The following SIK2 variants were observed in gnomAD, a reference collection of about 807,000 sequenced individuals.
SIK2 encodes the protein salt inducible kinase 2.
In SIK2, 29 loss-of-function variants were observed where a neutral mutation model predicts 103.2. The ratio of observed to expected loss-of-function variants is 0.28; its 90% CI spans 0.21 to 0.38. The LOEUF (loss-of-function observed/expected upper bound fraction) is 0.38, where lower values mean the gene tolerates loss of function less well. SIK2 is among the 10% of genes least tolerant of loss of function. The probability of loss-of-function intolerance (pLI) is 1.00; values close to 1 mark genes in which losing one functional copy is unlikely to be tolerated. For synonymous variants in SIK2, 412 were observed against 446.1 expected, an observed-to-expected ratio of 0.92 and a Z score of 0.96; for missense variants, 879 against 1,171.0, an observed-to-expected ratio of 0.75 and a Z score of 3.64.
intron 4 of SIK2, among the ~76,000 whole-genome samples, chr11:111,694,035 A>G (rs906072947): frequency 3.9e-5 from 6 of 152,194 alleles, no homozygotes; most frequent in Non-Finnish European, 7.3e-5. Context: ...ACTTGAGTTG[A>G]TATTTGTAGG....
At chr11:111,633,635 T>G (rs1942067624) in intron 3 of SIK2, among the ~76,000 whole-genome samples, 1 of 152,198 alleles carries the variant, frequency 6.6e-6, no homozygotes, top group Admixed American at 6.6e-5. Flanking sequence ...CTGAGCAGTT[T>G]TTGAGTGCTT....
intron 7 of SIK2, among the ~76,000 whole-genome samples, chr11:111,703,994 T>C (rs1943277539): frequency 6.6e-6 from 1 of 152,214 alleles, no homozygotes; most frequent in Admixed American, 6.5e-5. Flanking sequence ...GATATACGTA[T>C]TTCTAATACC....
At chr11:111,663,771 A>G (rs1331473429) in intron 3 of SIK2, among the ~76,000 whole-genome samples, 1 of 152,198 alleles carries the variant, frequency 6.6e-6, no homozygotes. Context: ...TTTTCAAGGT[A>G]GGAGTTGACA....
At chr11:111,667,793 A>G (rs1473029858) in intron 3 of SIK2, among the ~76,000 whole-genome samples, 1 of 152,148 alleles carries the variant, frequency 6.6e-6, no homozygotes, top group Non-Finnish European at 1.5e-5. Flanking sequence ...ACACCAGGCC[A>G]CTGCAACACA....
chr11:111,627,929 T>A (rs181024551), intron 3 of SIK2, among the ~76,000 whole-genome samples: 19 of 152,344 alleles, frequency 1.2e-4, no homozygotes, highest in Admixed American at 1.2e-3. Context: ...AATTAGCGAA[T>A]CCTTCATGTT....
chr11:111,720,994 C>T lies in SIK2; in HGVS notation c.1876C>T (p.Pro626Ser). ...GCAGTTGTTGTATGAACAAATAGGA[C>T]CGGAGGCAGACCCTAACCTGGCGCC... ...KVQLLYEQIG[P>S]EADPNLAPAA... Residue 626 changes from proline (P) to serine (S), a missense_variant, in exon 12 of 15, where the codon CCG (proline) becomes TCG (serine). This residue lies in a region of SIK2 where 375 missense variants were observed against 416.3 expected (regional missense o/e 0.90). Transcript: ENST00000304987. 6.2e-7 allele frequency: 1 copy of T among 1,614,188 alleles called. No homozygotes were observed. Among genetic ancestry groups the T allele is most frequent in the Non-Finnish European group, 8.5e-7 (1 of 1,180,030 alleles).
chr11:111,664,335 G>A (rs1723162080), intron 3 of SIK2, among the ~76,000 whole-genome samples: 1 of 152,100 alleles, frequency 6.6e-6, no homozygotes, highest in Non-Finnish European at 1.5e-5. Flanking sequence ...TAAGAACCAG[G>A]TATTCGGCCA....
At chr11:111,632,615 G>A (rs1942054262) in intron 3 of SIK2, among the ~76,000 whole-genome samples, 1 of 152,104 alleles carries the variant, frequency 6.6e-6, no homozygotes, top group Non-Finnish European at 1.5e-5. Context: ...GGGTCACAGA[G>A]CAAGTAAGCA....
At chr11:111,628,321 CAAAT>C (rs1261810978) in intron 3 of SIK2, among the ~76,000 whole-genome samples, 1 of 152,002 alleles carries the variant, frequency 6.6e-6, no homozygotes, top group Non-Finnish European at 1.5e-5. Flanking sequence ...TTTAAGGAGT[CAAAT>C]AATTGTGCAA....
intron 3 of SIK2, among the ~76,000 whole-genome samples, chr11:111,661,423 A>G (rs557388307): frequency 2.4e-4 from 36 of 152,310 alleles, no homozygotes; most frequent in African/African-American, 8.2e-4. Context: ...CCTGATGCCT[A>G]CTTTTGAAAA....
chr11:111,712,440 GTGT>G (rs1698891773), intron 9 of SIK2, 65 bp downstream of exon 9: 1 of 1,520,438 alleles, frequency 6.6e-7, no homozygotes, highest in Non-Finnish European at 8.9e-7. Flanking sequence ...TGGTCCACAA[GTGT>G]TGTACTTTGG....
intron 2 of SIK2, among the ~76,000 whole-genome samples, chr11:111,617,005 A>G (rs563368476): frequency 1.3e-5 from 2 of 152,350 alleles, no homozygotes; most frequent in African/African-American, 4.8e-5. Flanking sequence ...TTTGTCATAC[A>G]TAGGACTGTA....
intron 3 of SIK2, among the ~76,000 whole-genome samples, chr11:111,646,084 G>A (rs979350854): frequency 4.6e-5 from 7 of 152,062 alleles, no homozygotes; most frequent in Admixed American, 2.0e-4. Context: ...GCATGTGCGC[G>A]CACATGAGTG....
intron 3 of SIK2, among the ~76,000 whole-genome samples, chr11:111,631,491 T>G (rs1942036605): frequency 6.6e-6 from 1 of 152,084 alleles, no homozygotes; most frequent in Non-Finnish European, 1.5e-5. Context: ...TAAGAGTTGC[T>G]GTGGTCAGAG....
At chr11:111,662,093 G>A (rs879939941) in intron 3 of SIK2, among the ~76,000 whole-genome samples, 1 of 152,158 alleles carries the variant, frequency 6.6e-6, no homozygotes, top group Non-Finnish European at 1.5e-5. Flanking sequence ...AGGTCAGAGA[G>A]GAGTGTTCTT....
intron 3 of SIK2, among the ~76,000 whole-genome samples, chr11:111,684,856 T>C (rs975032104): frequency 5.3e-5 from 8 of 152,212 alleles, no homozygotes; most frequent in Admixed American, 5.2e-4. Flanking sequence ...AAGAGGAAGA[T>C]GTAATGAGCT....
At chr11:111,719,731 T>G (rs1370424849) in intron 9 of SIK2, 44 bp from the exon 10 acceptor site, 1 of 1,568,918 alleles carries the variant, frequency 6.4e-7, no homozygotes, top group East Asian at 2.3e-5. Flanking sequence ...TTTTTCTGTC[T>G]CAGCAGTGCA....
Position 111,647,242 on chromosome 11 carries a change from T to C in SIK2, c.316+26840T>C, listed in dbSNP as rs544614988. The stretch of plus-strand genomic sequence containing the variant: ...TAAACAGCATTACCATGAATATCCT[T>C]GAAACTAAATCTTTGAACATGTTCT... On this transcript the variant is annotated intron_variant, in intron 3 of 14. Coordinates refer to ENST00000304987, the MANE Select transcript of SIK2 (RefSeq NM_015191.3). Among the ~76,000 whole-genome samples, 223 of 152,332 alleles carry C rather than the reference T, an allele frequency of 1.5e-3. 2 individuals are homozygous for C. Among genetic ancestry groups the C allele is most frequent in the African/African-American group, 5.2e-3 (217 of 41,574 alleles).
intron 1 of SIK2, among the ~76,000 whole-genome samples, chr11:111,603,913 C>A (rs1386464987): frequency 6.6e-6 from 1 of 152,180 alleles, no homozygotes; most frequent in African/African-American, 2.4e-5. Context: ...CACTTGCAAA[C>A]GTGAGTGATT....
Sources: gnomAD v4.1 joint callset for allele counts (sites outside exome capture counted in the v4.1 genomes callset) on GRCh38, gnomAD v4.1.1 for gene constraint, gnomAD v4.1.1 regional missense constraint, MANE v1.5 for transcripts, NCBI Gene and HGNC (gene_info 2026-07-23, HGNC 2026-07-21) for gene names.